RSRC1: variants seen among roughly 807,000 people sequenced by gnomAD.
The protein encoded by RSRC1 is arginine and serine rich coiled-coil 1.
In RSRC1, 39 loss-of-function variants were observed where a neutral mutation model predicts 49.1. That is an observed-to-expected ratio of 0.79 (90% CI 0.61 to 1.04). RSRC1 has a LOEUF of 1.04. Ranked by LOEUF, RSRC1 falls within the 50% of genes least tolerant of loss-of-function variation. The pLI is 0.00. For synonymous variants in RSRC1, 143 were observed against 130.8 expected, an observed-to-expected ratio of 1.09 and a Z score of -0.63; for missense variants, 388 against 402.4, an observed-to-expected ratio of 0.96 and a Z score of 0.31.
At chr3:158,457,835 G>A (rs1469193537) in intron 6 of RSRC1, among the ~76,000 whole-genome samples, 1 of 150,876 alleles carries the variant, frequency 6.6e-6, no homozygotes, top group African/African-American at 2.4e-5. Context: ...CACTGAAAAT[G>A]CTATGGGGGC....
intron 7 of RSRC1, among the ~76,000 whole-genome samples, chr3:158,469,002 A>C (rs1167077665): frequency 6.6e-6 from 1 of 152,132 alleles, no homozygotes; most frequent in African/African-American, 2.4e-5. Flanking sequence ...TTTTTATTTT[A>C]AAAGTTTCTG....
At chr3:158,180,509 C>T (rs1320783250) in intron 3 of RSRC1, among the ~76,000 whole-genome samples, 2 of 136,304 alleles carry the variant, frequency 1.5e-5, no homozygotes, top group African/African-American at 2.7e-5. Flanking sequence ...ATTCTGTCAC[C>T]CAGGCTAAGA....
chr3:158,228,550 A>G (rs1431565577), intron 4 of RSRC1, among the ~76,000 whole-genome samples: 6 of 151,992 alleles, frequency 3.9e-5, no homozygotes, highest in Non-Finnish European at 7.4e-5. Flanking sequence ...TTCCATTATA[A>G]TACCTGAATT....
At chr3:158,113,911 A>G (rs1714603544) in intron 1 of RSRC1, among the ~76,000 whole-genome samples, 1 of 151,710 alleles carries the variant, frequency 6.6e-6, no homozygotes, top group African/African-American at 2.4e-5. Flanking sequence ...GACCTTTGTC[A>G]GTTGTATAGG....
intron 6 of RSRC1, among the ~76,000 whole-genome samples, chr3:158,400,039 T>C (rs1356881621): frequency 6.6e-6 from 1 of 152,182 alleles, no homozygotes; most frequent in African/African-American, 2.4e-5. Flanking sequence ...TGTTTCAGTC[T>C]ATTTGCCAGA....
chr3:158,274,233 A>G (rs1725679568), intron 4 of RSRC1, among the ~76,000 whole-genome samples: 2 of 152,170 alleles, frequency 1.3e-5, no homozygotes, highest in South Asian at 2.1e-4. Context: ...GGGATTTCAT[A>G]TAACCTGTTC....
At chr3:158,161,288 C>G (rs1477755336) in intron 3 of RSRC1, among the ~76,000 whole-genome samples, 2 of 152,160 alleles carry the variant, frequency 1.3e-5, no homozygotes, top group Admixed American at 6.5e-5. Flanking sequence ...GTTCCTGTCT[C>G]TTTCATCCTC....
intron 6 of RSRC1, among the ~76,000 whole-genome samples, chr3:158,396,664 C>T (rs1195107239): frequency 6.6e-6 from 1 of 151,942 alleles, no homozygotes; most frequent in Non-Finnish European, 1.5e-5. Context: ...AACTGTAGTG[C>T]CGTGGTATGA....
chr3:158,231,137 CTTTTTTTTT>C (rs35368661), intron 4 of RSRC1, among the ~76,000 whole-genome samples: 3 of 67,950 alleles, frequency 4.4e-5, no homozygotes, highest in Non-Finnish European at 7.5e-5. Context: ...TAGTCGTTAG[CTTTTTTTTT>C]TTTTTTTTTT....
rs530642864 is a variant in RSRC1 at position 158,131,829 on chromosome 3, A to G, written c.320+7838A>G. On this transcript the variant is annotated intron_variant, in intron 3 of 9. Transcript: ENST00000611884. ...GAAAATTAGGAAAATTTTTGTTAAT[A>G]ATGTATTAGAACAAGTAACAAATAT... Among the ~76,000 whole-genome samples the G allele has an allele frequency of 4.6e-5, 7 of 152,322 alleles. No homozygotes were observed. In the East Asian group the frequency reaches 1.3e-3, roughly 29 times the overall value.
At chr3:158,529,366 AG>A (rs1022360510) in intron 7 of RSRC1, among the ~76,000 whole-genome samples, 9 of 151,778 alleles carry the variant, frequency 5.9e-5, no homozygotes, top group African/African-American at 2.2e-4. Context: ...GTTGCTTGGC[AG>A]GAGTGGGTAA....
intron 6 of RSRC1, among the ~76,000 whole-genome samples, chr3:158,381,389 CT>C (rs1578409272): frequency 1.3e-5 from 2 of 152,206 alleles, no homozygotes; most frequent in Non-Finnish European, 2.9e-5. Context: ...AGCAGTCCCC[CT>C]CTCCAGAAAA....
chr3:158,175,532 A>G (rs1348828723), intron 3 of RSRC1, among the ~76,000 whole-genome samples: 1 of 151,958 alleles, frequency 6.6e-6, no homozygotes, highest in African/African-American at 2.4e-5. Context: ...TATTGAAAAG[A>G]CCTTCCTTTT....
Position 158,358,927 on chromosome 3 carries a change from TACACAC to T in RSRC1, c.583+4039_583+4044del, listed in dbSNP as rs71777898. ...GTATATATATATATACACACAAACA[TACACAC>T]ACACACACACACACACACAACTTAT... On this transcript the variant is annotated intron_variant, in intron 6 of 9. Coordinates refer to ENST00000611884, the MANE Select transcript of RSRC1 (RefSeq NM_001271838.2). Among the ~76,000 whole-genome samples the T allele has an allele frequency of 1.9e-3, 251 of 129,050 alleles. 1 individual carries two copies. The highest frequency in any genetic ancestry group is 3.1e-3 in the Non-Finnish European group (165 of 53,616). The allele number at this position is 129,050 out of a possible 152,430, so 84.7% of individuals were successfully genotyped here. A position where few individuals can be genotyped will look rare whatever the true frequency, so the allele number is the denominator to read the frequency against.
At chr3:158,313,917 A>G (rs1219020387) in intron 5 of RSRC1, among the ~76,000 whole-genome samples, 2 of 152,232 alleles carry the variant, frequency 1.3e-5, no homozygotes, top group Non-Finnish European at 2.9e-5. Flanking sequence ...TTTTATTTCC[A>G]AAAACATTTA....
chr3:158,394,331 A>C (rs1468786661), intron 6 of RSRC1, among the ~76,000 whole-genome samples: 2 of 152,098 alleles, frequency 1.3e-5, no homozygotes, highest in African/African-American at 4.8e-5. Flanking sequence ...AAGAAAAAAA[A>C]GGCATTCAAA....
chr3:158,339,551 C>A (rs1730114775), intron 5 of RSRC1, among the ~76,000 whole-genome samples: 1 of 152,120 alleles, frequency 6.6e-6, no homozygotes, highest in South Asian at 2.1e-4. Context: ...ACACCATTAT[C>A]ATTCCCTTAA....
chr3:158,456,493 G>C (rs1737326390), intron 6 of RSRC1, among the ~76,000 whole-genome samples: 1 of 152,066 alleles, frequency 6.6e-6, no homozygotes, highest in Non-Finnish European at 1.5e-5. Flanking sequence ...TATGCGCCCA[G>C]CTCTCAAGGA....
chr3:158,177,855 A>G (rs1719326514), intron 3 of RSRC1, among the ~76,000 whole-genome samples: 1 of 152,150 alleles, frequency 6.6e-6, no homozygotes, highest in Non-Finnish European at 1.5e-5. Context: ...TAATATCAAT[A>G]TACTTTTTAG....
Sources: allele counts gnomAD v4.1 joint callset (sites outside exome capture counted in the v4.1 genomes callset), GRCh38; gene constraint gnomAD v4.1.1; transcripts MANE v1.5; gene names NCBI Gene and HGNC (gene_info 2026-07-23, HGNC 2026-07-21).